Variants in PON2 observed in about 807,000 individuals in gnomAD.
PON2 encodes paraoxonase 2, also known as serum paraoxonase/arylesterase 2.
A neutral mutation model predicts 36.6 loss-of-function variants in PON2; 27 were observed. The ratio of observed to expected loss-of-function variants is 0.74; its 90% CI spans 0.54 to 1.02. The LOEUF (loss-of-function observed/expected upper bound fraction) is 1.02. PON2 is among the 50% of genes least tolerant of loss of function. The pLI is 0.00. For synonymous variants in PON2, 149 were observed against 156.3 expected (o/e 0.95, Z 0.35); for missense variants, 363 against 421.1 (o/e 0.86, Z 1.21).
intron 6 of PON2, among the ~76,000 whole-genome samples, chr7:95,407,772 C>T (rs147354042): frequency 6.6e-6 from 1 of 152,164 alleles, no homozygotes; most frequent in African/African-American, 2.4e-5. Flanking sequence ...ACATTAAACA[C>T]CTAATAAGCA....
At chr7:95,425,864 T>A (rs1165390020) in intron 1 of PON2, among the ~76,000 whole-genome samples, 1 of 151,918 alleles carries the variant, frequency 6.6e-6, no homozygotes, top group East Asian at 1.9e-4. Context: ...TACAAATAAA[T>A]CAATATTTAA....
chr7:95,420,582 T>C (rs568274714), intron 2 of PON2, among the ~76,000 whole-genome samples: 58 of 152,314 alleles, frequency 3.8e-4, no homozygotes, highest in African/African-American at 1.3e-3. Context: ...AGACACAATA[T>C]GATATGATAT....
At chr7:95,434,095 C>T (rs1409179905) in intron 1 of PON2, among the ~76,000 whole-genome samples, 1 of 152,192 alleles carries the variant, frequency 6.6e-6, no homozygotes, top group Non-Finnish European at 1.5e-5. Flanking sequence ...ACAGCTCACA[C>T]CTGTAATCCC....
intron 5 of PON2, among the ~76,000 whole-genome samples, chr7:95,410,894 T>G (rs906813122): frequency 2.6e-5 from 4 of 152,198 alleles, no homozygotes; most frequent in African/African-American, 7.2e-5. Flanking sequence ...CTATTTTTTT[T>G]TATCAAGTGC....
At chr7:95,429,104 T>C (rs1352043752) in intron 1 of PON2, among the ~76,000 whole-genome samples, 4 of 152,068 alleles carry the variant, frequency 2.6e-5, no homozygotes, top group Non-Finnish European at 5.9e-5. Context: ...TACATATGTA[T>C]ACATGTGCCA....
At chr7:95,420,307 AC>A (rs1042919427) in intron 2 of PON2, among the ~76,000 whole-genome samples, 2 of 152,220 alleles carry the variant, frequency 1.3e-5, no homozygotes, top group African/African-American at 4.8e-5. Flanking sequence ...CTTGAGAAAG[AC>A]AGTCCACTCA....
rs772671629 is a variant in PON2, at chr7:95,405,350, C to T, written c.1045G>A (p.Ala349Thr). The change falls in exon 9 of 9, where the codon GCC becomes ACC. Residue 349 changes from alanine (A) to threonine (T), a missense_variant. Ala to Thr is a moderately conservative substitution (Grantham distance 58, BLOSUM62 0). Coordinates refer to ENST00000222572, the MANE Select transcript of PON2 (RefSeq NM_000305.3). Reference protein sequence around the residue: ...KLLIGTLYHRALYCEL With the variant: ...KLLIGTLYHRTLYCEL ...ACAATTTAGAGTTCACAATACAAGG[C>T]TCTGTGGTATAAAGTGCCTATGAGC... 3.7e-6 allele frequency: 6 copies of T among 1,613,754 alleles called. No homozygotes were observed. In the African/African-American group the frequency reaches 5.3e-5, roughly 14 times the overall value.
chr7:95,432,567 A>C (rs1418375827), intron 1 of PON2, among the ~76,000 whole-genome samples: 2 of 152,084 alleles, frequency 1.3e-5, no homozygotes, highest in Non-Finnish European at 2.9e-5. Flanking sequence ...GGAATATTTG[A>C]CTGTTGAGAA....
intron 2 of PON2, among the ~76,000 whole-genome samples, chr7:95,423,990 A>G (rs144637491): frequency 9.7e-4 from 148 of 152,302 alleles, no homozygotes; most frequent in African/African-American, 3.2e-3. Context: ...TCATGATTCA[A>G]TGACCTCTCA....
intron 1 of PON2, among the ~76,000 whole-genome samples, chr7:95,428,788 G>T (rs1789371744): frequency 6.6e-6 from 1 of 152,140 alleles, no homozygotes; most frequent in Non-Finnish European, 1.5e-5. Context: ...GACTGCCAAA[G>T]GGATGTATGG....
At chr7:95,410,137 A>G (rs1433102049) in intron 5 of PON2, 36 bp from the exon 6 acceptor site, 2 of 1,524,682 alleles carry the variant, frequency 1.3e-6, no homozygotes, top group Non-Finnish European at 1.8e-6. Flanking sequence ...AGGAAACAAA[A>G]GGCCTGTTGG....
Position 95,430,899 on chromosome 7 carries a change from TA to T in PON2, c.74+3978del, listed in dbSNP as rs11413689. On this transcript the variant is annotated intron_variant, in intron 1 of 8. Coordinates refer to ENST00000222572, the MANE Select transcript of PON2 (RefSeq NM_000305.3). ...ATAAATGATTTAAAGGATGGTGGTT[TA>T]AAAAAAAAAAAAAGGGAAAAAGGCT... Among the ~76,000 whole-genome samples the T allele has an allele frequency of 1.3e-3, 191 of 143,742 alleles. 1 individual carries two copies. Among genetic ancestry groups the T allele is most frequent in the Non-Finnish European group, 2.0e-3 (133 of 66,090 alleles). 94.3% of individuals were successfully genotyped at this position (143,742 alleles called of 152,430 possible).
chr7:95,406,063 T>C, intron 8 of PON2, 56 bp downstream of exon 8: 3 of 1,531,984 alleles, frequency 2.0e-6, no homozygotes, highest in Non-Finnish European at 2.7e-6. Context: ...ATTTATTGTA[T>C]TATTAGTTCA....
In PON2 at chr7:95,434,918, T is replaced by A; in HGVS notation, c.34A>T (p.Ile12Phe). Reference sequence around the variant, plus strand: ...CTCTCGCCCAGGAGCGCCAGCGCGATCCCCAGCAAGCCCACAGCCACCAGC... The same window carrying A: ...CTCTCGCCCAGGAGCGCCAGCGCGAACCCCAGCAAGCCCACAGCCACCAGC... The part of the protein sequence containing the change: ...GRLVAVGLLG[I>F]ALALLGERLL... Residue 12 changes from isoleucine to phenylalanine, a missense_variant, in exon 1 of 9, where the codon ATC becomes TTC. Coordinates refer to ENST00000222572, the MANE Select transcript of PON2 (RefSeq NM_000305.3). 6.5e-7 allele frequency: 1 copy of A among 1,538,950 alleles called. No individual in the cohort carries two copies. The highest frequency in any genetic ancestry group is 8.7e-7 in the Non-Finnish European group (1 of 1,145,006).
intron 1 of PON2, among the ~76,000 whole-genome samples, chr7:95,432,498 T>A (rs1789466304): frequency 6.6e-6 from 1 of 152,202 alleles, no homozygotes; most frequent in South Asian, 2.1e-4. Context: ...TTATTTACTT[T>A]TTCTTTTTTT....
chr7:95,411,553 A>G (rs1788924341), intron 5 of PON2, 100 bp downstream of exon 5: 2 of 1,362,812 alleles, frequency 1.5e-6, no homozygotes, highest in South Asian at 1.2e-5. Flanking sequence ...ATTAGCTAAT[A>G]TATACATTAG....
At chr7:95,413,376 A>G (rs1464680079) in intron 3 of PON2, among the ~76,000 whole-genome samples, 1 of 152,174 alleles carries the variant, frequency 6.6e-6, no homozygotes, top group African/African-American at 2.4e-5. Flanking sequence ...TAAGAACTCT[A>G]GTAGATTACT....
At position 95,434,880 on chromosome 7, in the gene PON2, G is replaced by A. The variant is rs2116517756; in HGVS notation, c.72C>T (p.Leu24=). ...LALLGERLLA[L]RNRLKASREV... Reference sequence around the variant, plus strand: ...GGGCGCGCGGGAGTCCCACCTACCTGAGTGCCAGAAGCCTCTCGCCCAGGA... The same window carrying A: ...GGGCGCGCGGGAGTCCCACCTACCTAAGTGCCAGAAGCCTCTCGCCCAGGA... Residue 24 remains leucine (L), a splice_region_variant and synonymous_variant, in exon 1 of 9, where the codon CTC becomes CTT. Transcript: ENST00000222572. 1.3e-6 allele frequency: 2 copies of A among 1,540,490 alleles called. No individual in the cohort carries two copies. The highest frequency in any genetic ancestry group is 5.0e-5 in the East Asian group (2 of 40,388).
chr7:95,406,958 C>T (rs186883762), intron 7 of PON2, 29 bp downstream of exon 7: 3 of 1,300,866 alleles, frequency 2.3e-6, no homozygotes, highest in Middle Eastern at 2.2e-4. Context: ...TAATAGATTA[C>T]TGTCTATATG....
Sources: allele counts gnomAD v4.1 joint callset (sites outside exome capture counted in the v4.1 genomes callset), GRCh38; gene constraint gnomAD v4.1.1; transcripts MANE v1.5; gene names NCBI Gene and HGNC (gene_info 2026-07-23, HGNC 2026-07-21).